Variants in TRAPPC13 observed in about 807,000 individuals in gnomAD.
TRAPPC13 encodes the protein trafficking protein particle complex subunit 13.
TRAPPC13 carries 39 observed loss-of-function variants against 54.0 expected under a neutral mutation model. The ratio of observed to expected loss-of-function variants is 0.72; its 90% CI spans 0.56 to 0.94. The LOEUF (loss-of-function observed/expected upper bound fraction) is 0.94, where lower values mean the gene tolerates loss of function less well. Among genes scored for constraint, TRAPPC13 ranks in the 40% least tolerant of loss-of-function variants. The probability of loss-of-function intolerance (pLI) is 0.00; values close to 1 mark genes in which losing one functional copy is unlikely to be tolerated. For synonymous variants in TRAPPC13, 148 were observed against 167.7 expected, an observed-to-expected ratio of 0.88 and a Z score of 0.91; for missense variants, 386 against 488.1, an observed-to-expected ratio of 0.79 and a Z score of 1.97.
In TRAPPC13 at chr5:65,650,938, A is replaced by G. The variant is rs73763177; in HGVS notation, c.501+56A>G. On this transcript the variant is annotated intron_variant, in intron 6 of 12. Transcript: ENST00000399438. ...TATATGCCTTTTTCTTCCTGGTAGT[A>G]TACAGTTATTCCCGTTTATCTGCAG... is the stretch of plus-strand genomic sequence containing the variant. The G allele has an allele frequency of 1.7e-3, 2,181 of 1,264,056 alleles. 26 individuals are homozygous for G. The African/African-American group carries it at 0.024, about 14-fold the overall frequency. The allele number at this position is 1,264,056 out of a possible 1,614,324, so 78.3% of individuals were successfully genotyped here. A position where few individuals can be genotyped will look rare whatever the true frequency, so the allele number is the denominator to read the frequency against.
At position 65,625,091 on chromosome 5, in the gene TRAPPC13, C is replaced by T. The variant is rs1444167616; in HGVS notation, c.31C>T (p.Leu11=). 1 of 1,613,782 alleles carries T rather than the reference C, an allele frequency of 6.2e-7. No homozygotes were observed. Among genetic ancestry groups the T allele is most frequent in the South Asian group, 1.1e-5 (1 of 91,080 alleles). MEVNPPKQEH[L]LALKVMRLTK... is the part of the protein sequence containing the mutation. ...AGTGAATCCCCCTAAACAGGAGCAC[C>T]TGCTGGCGCTAAAAGGTAAACTTTT... is the stretch of plus-strand genomic sequence containing the variant. Residue 11 remains leucine, a synonymous_variant, in exon 1 of 13, where the codon CTG becomes TTG. Transcript: ENST00000399438.
intron 1 of TRAPPC13, chr5:65,626,310 A>G (rs1409491494): frequency 6.6e-6 from 1 of 152,216 alleles, no homozygotes; most frequent in African/African-American, 2.4e-5. Flanking sequence ...CTCTCTTTCC[A>G]AGAGTCCGTG....
At chr5:65,664,140 A>G in intron 11 of TRAPPC13, 97 bp from the exon 12 acceptor site, 2 of 1,211,276 alleles carry the variant, frequency 1.7e-6, no homozygotes, top group South Asian at 3.0e-5. Context: ...TCTCCTGGAT[A>G]TGGAGAAAAC....
intron 8 of TRAPPC13, among the ~76,000 whole-genome samples, chr5:65,656,739 C>G (rs1223221000): frequency 1.3e-5 from 2 of 151,676 alleles, no homozygotes; most frequent in Admixed American, 1.3e-4. Context: ...AACCTCATCT[C>G]TATAAAAAAT....
chr5:65,652,169 C>T (rs551091753), intron 6 of TRAPPC13, among the ~76,000 whole-genome samples: 1 of 151,136 alleles, frequency 6.6e-6, no homozygotes, highest in Admixed American at 6.6e-5. Context: ...AGCTCAGTTG[C>T]TTTTTTTTGC....
At chr5:65,629,923 T>A (rs1177943619) in intron 1 of TRAPPC13, 3 of 1,535,984 alleles carry the variant, frequency 2.0e-6, no homozygotes. Context: ...AGGAACAGAC[T>A]AATTCTGGAA....
rs746380472 is a variant in TRAPPC13 at position 65,664,551 on chromosome 5, T to G, written c.1194T>G (p.Tyr398Ter). ...RLTDTFLKRT[Y>*]EYDDIAQVCV... Reference sequence around the variant, plus strand: ...CAGACACATTCTTAAAGAGAACATATGAATATGATGACATCGCACAAGTCT... The same window carrying G: ...CAGACACATTCTTAAAGAGAACATAGGAATATGATGACATCGCACAAGTCT... Residue 398 changes from tyrosine to a stop codon, truncating the protein, a stop_gained, in exon 13 of 13, where the codon TAT becomes TAG. Transcript: ENST00000399438. LOFTEE classifies it high-confidence loss of function. 6.2e-7 allele frequency: 1 copy of G among 1,612,152 alleles called. No individual in the cohort carries two copies. Among genetic ancestry groups the G allele is most frequent in the Admixed American group, 1.7e-5 (1 of 59,382 alleles).
chr5:65,636,165 A>T (rs1289317552), intron 3 of TRAPPC13, 122 bp downstream of exon 3: 12 of 627,192 alleles, frequency 1.9e-5, no homozygotes, highest in Non-Finnish European at 2.9e-5. Flanking sequence ...TTTTTCTGAG[A>T]TGGAGTCTCG....
chr5:65,658,716 A>AT (rs1295191704), intron 9 of TRAPPC13, among the ~76,000 whole-genome samples: 1 of 150,102 alleles, frequency 6.7e-6, no homozygotes, highest in Admixed American at 6.6e-5. Flanking sequence ...TTTTATTTTT[A>AT]TTTTTATTTA....
chr5:65,645,037 A>T (rs1248595010), intron 4 of TRAPPC13, among the ~76,000 whole-genome samples: 1 of 151,816 alleles, frequency 6.6e-6, no homozygotes, highest in African/African-American at 2.4e-5. Context: ...TCTCTACTAA[A>T]AATACAAAAA....
At chr5:65,661,991 C>A in intron 10 of TRAPPC13, 59 bp from the exon 11 acceptor site, 1 of 1,299,482 alleles carries the variant, frequency 7.7e-7, no homozygotes, top group South Asian at 1.4e-5. Flanking sequence ...GTGGTGCCTT[C>A]ATTAAAATGG....
chr5:65,628,633 G>A lies in TRAPPC13; in HGVS notation c.46+3527G>A, dbSNP rs190651728. On this transcript the variant is annotated intron_variant, in intron 1 of 12. Coordinates refer to ENST00000399438, the MANE Select transcript of TRAPPC13 (RefSeq NM_024941.4). ...ATTACAGGCACACGCCACCACAGCC[G>A]GCTATTTTTTGTATCTTTAGTAGAG... is the stretch of plus-strand genomic sequence containing the variant. Among the ~76,000 whole-genome samples the A allele has an allele frequency of 8.6e-5, 13 of 150,572 alleles. No individual in the cohort carries two copies. The East Asian group carries it at 2.0e-3, about 23-fold the overall frequency.
At chr5:65,641,180 C>T (rs556604271) in intron 4 of TRAPPC13, among the ~76,000 whole-genome samples, 89 of 152,158 alleles carry the variant, frequency 5.8e-4, no homozygotes, top group African/African-American at 2.1e-3. Context: ...GCAAGCCTCC[C>T]GCATCAGCCT....
At chr5:65,649,613 G>C (rs1409900353) in intron 5 of TRAPPC13, among the ~76,000 whole-genome samples, 1 of 152,078 alleles carries the variant, frequency 6.6e-6, no homozygotes, top group Admixed American at 6.5e-5. Context: ...GCCAGTTATG[G>C]TACTGTGATT....
At chr5:65,650,080 G>A (rs1232841659) in intron 5 of TRAPPC13, among the ~76,000 whole-genome samples, 2 of 149,508 alleles carry the variant, frequency 1.3e-5, no homozygotes, top group Admixed American at 6.7e-5. Flanking sequence ...GGATGGTCTC[G>A]ATCTCCTGAC....
Position 65,665,335 on chromosome 5 carries a change from G to A in TRAPPC13, c.*724G>A, listed in dbSNP as rs1469779053. On this transcript the variant is annotated 3_prime_UTR_variant, in exon 13 of 13. Transcript: ENST00000399438. ...AACTCCAGTTTTTTCCTAGCTATTC[G>A]GTCAGCAGAAAAAGTTTGCTTAAAA... 2.0e-5 allele frequency: 3 copies of A among 151,992 alleles called. No individual in the cohort carries two copies. The highest frequency in any genetic ancestry group is 6.6e-5 in the Admixed American group (1 of 15,256). The allele number at this position is 151,992 out of a possible 1,614,324, so 9.4% of individuals were successfully genotyped here.
chr5:65,655,316 G>C (rs1756610271), intron 7 of TRAPPC13, among the ~76,000 whole-genome samples: 1 of 152,166 alleles, frequency 6.6e-6, no homozygotes, highest in South Asian at 2.1e-4. Flanking sequence ...TGCAATGTTG[G>C]TAAAGAATTA....
chr5:65,630,402 A>T (rs1215325968), intron 1 of TRAPPC13: 3 of 1,406,414 alleles, frequency 2.1e-6, no homozygotes, highest in Non-Finnish European at 2.8e-6. Context: ...TGAAATAGAT[A>T]AAATAATTTT....
chr5:65,642,941 A>G (rs1422782876), intron 4 of TRAPPC13, among the ~76,000 whole-genome samples: 2 of 152,256 alleles, frequency 1.3e-5, no homozygotes, highest in African/African-American at 2.4e-5. Context: ...GCTGATGCCT[A>G]CTGTACAACA....
Sources: allele counts gnomAD v4.1 joint callset (sites outside exome capture counted in the v4.1 genomes callset), GRCh38; gene constraint gnomAD v4.1.1; transcripts MANE v1.5; gene names NCBI Gene and HGNC (gene_info 2026-07-23, HGNC 2026-07-21).